The following AGBL1 variants were observed in gnomAD, a reference collection of about 807,000 sequenced individuals.
AGBL1 encodes the protein AGBL carboxypeptidase 1, also known as cytosolic carboxypeptidase 4.
A neutral mutation model predicts 118.9 loss-of-function variants in AGBL1; 130 were observed. The observed-to-expected ratio is 1.09, with a 90% CI of 0.95 to 1.26. The LOEUF is 1.26. Ranked by LOEUF, AGBL1 falls within the 50% of genes most tolerant of loss-of-function variation. The probability of loss-of-function intolerance (pLI) is 0.00; values close to 1 mark genes in which losing one functional copy is unlikely to be tolerated. For synonymous variants in AGBL1, 555 were observed against 478.9 expected, an observed-to-expected ratio of 1.16 and a Z score of -2.08; for missense variants, 1,584 against 1,298.1, an observed-to-expected ratio of 1.22 and a Z score of -3.38.
At position 86,490,045 on chromosome 15, in the gene AGBL1, G is replaced by A. The variant is rs546094422; in HGVS notation, c.2556-32765G>A. Among the ~76,000 whole-genome samples the A allele has an allele frequency of 2.0e-5, 3 of 152,212 alleles. No homozygotes were observed. In the South Asian group the frequency reaches 6.2e-4, roughly 32 times the overall value. On this transcript the variant is annotated intron_variant, in intron 18 of 22. Coordinates refer to ENST00000614907, the MANE Select transcript of AGBL1 (RefSeq NM_001386094.1). ...GTACCCAGGATTTCACACTCAGGTT[G>A]CCTTGTGTTACCTCAAACAGCTCAA...
intron 22 of AGBL1, among the ~76,000 whole-genome samples, chr15:86,821,427 T>G (rs1171191777): frequency 6.6e-6 from 1 of 152,230 alleles, no homozygotes; most frequent in Non-Finnish European, 1.5e-5. Flanking sequence ...TTATTCGATA[T>G]GAAGAACAAC....
chr15:87,028,555 T>C (rs1216192563), intron 24 of AGBL1, among the ~76,000 whole-genome samples: 1 of 151,906 alleles, frequency 6.6e-6, no homozygotes, highest in Non-Finnish European at 1.5e-5. Context: ...AAAAAATGTA[T>C]TGAGAATTTT....
intron 22 of AGBL1, among the ~76,000 whole-genome samples, chr15:86,715,501 C>T (rs1032983009): frequency 3.3e-5 from 5 of 152,076 alleles, no homozygotes; most frequent in Non-Finnish European, 7.4e-5. Context: ...GTGATTTAGT[C>T]TTATTTTACC....
intron 22 of AGBL1, among the ~76,000 whole-genome samples, chr15:86,778,223 C>A (rs1271698665): frequency 2.0e-5 from 3 of 152,190 alleles, no homozygotes; most frequent in Middle Eastern, 6.8e-3. Context: ...AACAGAATAT[C>A]ACAAGGCAAA....
chr15:86,374,411 G>A (rs908021608), intron 17 of AGBL1, among the ~76,000 whole-genome samples: 3 of 152,186 alleles, frequency 2.0e-5, no homozygotes, highest in Non-Finnish European at 4.4e-5. Context: ...GTAATAGGAA[G>A]ACCATATGAA....
At chr15:86,863,331 G>A (rs999350048) in intron 22 of AGBL1, among the ~76,000 whole-genome samples, 1 of 152,158 alleles carries the variant, frequency 6.6e-6, no homozygotes, top group Non-Finnish European at 1.5e-5. Flanking sequence ...CAAAGAGAAA[G>A]GCAACCGTGA....
intron 5 of AGBL1, among the ~76,000 whole-genome samples, chr15:86,204,499 C>T (rs927263435): frequency 8.1e-6 from 1 of 122,954 alleles, no homozygotes; most frequent in Non-Finnish European, 1.7e-5. Flanking sequence ...CTTCCCCTTC[C>T]CCTTCCCCTT....
intron 16 of AGBL1, among the ~76,000 whole-genome samples, chr15:86,290,645 C>T (rs2079529789): frequency 2.0e-5 from 3 of 151,722 alleles, no homozygotes; most frequent in Non-Finnish European, 4.4e-5. Context: ...AACCACTGCA[C>T]CTGGGCCAAG....
chr15:86,661,023 A>G (rs1379770566), intron 21 of AGBL1, among the ~76,000 whole-genome samples: 1 of 152,184 alleles, frequency 6.6e-6, no homozygotes, highest in Non-Finnish European at 1.5e-5. Context: ...TATGGACTTA[A>G]CTGCTTATGT....
chr15:86,389,560 T>C (rs2081246621), intron 17 of AGBL1, among the ~76,000 whole-genome samples: 1 of 152,126 alleles, frequency 6.6e-6, no homozygotes, highest in Non-Finnish European at 1.5e-5. Flanking sequence ...TGAAACCTGA[T>C]GAAAGTTTGT....
intron 22 of AGBL1, among the ~76,000 whole-genome samples, chr15:86,695,429 C>T (rs2086240038): frequency 6.6e-6 from 1 of 151,974 alleles, no homozygotes; most frequent in African/African-American, 2.4e-5. Context: ...TCTGTGGTGT[C>T]AGTTGTAATA....
In AGBL1 at chr15:86,578,993, A is replaced by G. The variant is rs528328244; in HGVS notation, c.2994+24456A>G. Among the ~76,000 whole-genome samples, 5 of 152,294 alleles carry G rather than the reference A, an allele frequency of 3.3e-5. No individual in the cohort carries two copies. The South Asian group carries it at 6.2e-4, about 19-fold the overall frequency. On this transcript the variant is annotated intron_variant, in intron 21 of 22. Coordinates refer to ENST00000614907, the MANE Select transcript of AGBL1 (RefSeq NM_001386094.1). Reference sequence around the variant, plus strand: ...GCTAATCCTCATTTTCACCATCATCATAATCCTTTCATCTTGCTTGCATAT... The same window carrying G: ...GCTAATCCTCATTTTCACCATCATCGTAATCCTTTCATCTTGCTTGCATAT...
rs189943454 is a variant in AGBL1 at position 87,022,857 on chromosome 15, C to A, written c.3324-5968C>A. On this transcript the variant is annotated intron_variant, in intron 24 of 24. Coordinates refer to the AGBL1 transcript ENST00000441037. ...GCCAAGAATTCTGTATCCATTGAAACTAGGCTTCATATATGAAGGAAAGAT... is the reference window on the plus strand; with the variant it reads ...GCCAAGAATTCTGTATCCATTGAAAATAGGCTTCATATATGAAGGAAAGAT... Among the ~76,000 whole-genome samples the A allele has an allele frequency of 1.4e-3, 212 of 152,156 alleles. 2 individuals carry two copies. Among genetic ancestry groups the A allele is most frequent in the African/African-American group, 4.9e-3 (204 of 41,548 alleles).
chr15:86,257,640 CTT>C (rs1361411721), intron 8 of AGBL1, among the ~76,000 whole-genome samples: 7 of 152,170 alleles, frequency 4.6e-5, no homozygotes, highest in African/African-American at 1.7e-4. Context: ...GATCTCTAAA[CTT>C]TGGCTACACT....
intron 22 of AGBL1, among the ~76,000 whole-genome samples, chr15:86,906,880 A>G (rs1456129424): frequency 6.6e-6 from 1 of 152,188 alleles, no homozygotes; most frequent in Non-Finnish European, 1.5e-5. Context: ...AGGAGCAGTG[A>G]TCTGAGGTTA....
chr15:86,636,748 TATATATATATACAC>T (rs1490515584), intron 21 of AGBL1, among the ~76,000 whole-genome samples: 13 of 59,992 alleles, frequency 2.2e-4, no homozygotes, highest in African/African-American at 1.1e-3. Context: ...TATATATATA[TATATATATATACAC>T]ATACATACAG....
chr15:86,139,515 G>A (rs2076933371), intron 1 of AGBL1, among the ~76,000 whole-genome samples: 2 of 152,110 alleles, frequency 1.3e-5, no homozygotes, highest in South Asian at 4.1e-4. Context: ...GGGTGTGGTG[G>A]CTCATGCCTG....
At chr15:86,900,481 C>T (rs2080195692) in intron 22 of AGBL1, among the ~76,000 whole-genome samples, 1 of 152,050 alleles carries the variant, frequency 6.6e-6, no homozygotes, top group Non-Finnish European at 1.5e-5. Context: ...ATTCTTAGTT[C>T]TTTCTTTTAA....
intron 22 of AGBL1, among the ~76,000 whole-genome samples, chr15:86,688,498 T>C (rs898266858): frequency 6.6e-6 from 1 of 152,176 alleles, no homozygotes; most frequent in African/African-American, 2.4e-5. Flanking sequence ...TGAGCAAATA[T>C]TGTTTTACTG....
Sources: allele counts gnomAD v4.1 joint callset (sites outside exome capture counted in the v4.1 genomes callset), GRCh38; gene constraint gnomAD v4.1.1; transcripts MANE v1.5; gene names NCBI Gene and HGNC (gene_info 2026-07-23, HGNC 2026-07-21).